Variants in AUTS2 observed in about 807,000 individuals in gnomAD.
AUTS2 encodes the protein activator of transcription and developmental regulator AUTS2.
AUTS2 carries 17 observed loss-of-function variants against 112.4 expected under a neutral mutation model. That is an observed-to-expected ratio of 0.15 (90% CI 0.10 to 0.23). The LOEUF (loss-of-function observed/expected upper bound fraction) is 0.23, where lower values mean the gene tolerates loss of function less well. Ranked by LOEUF, AUTS2 falls within the 10% of genes least tolerant of loss-of-function variation. The pLI is 1.00. For synonymous variants in AUTS2, 751 were observed against 702.7 expected (o/e 1.07, Z -1.09); for missense variants, 1,510 against 1,701.6 (o/e 0.89, Z 1.98).
intron 1 of AUTS2, among the ~76,000 whole-genome samples, chr7:69,669,130 G>T (rs1796200485): frequency 6.6e-6 from 1 of 152,046 alleles, no homozygotes; most frequent in Non-Finnish European, 1.5e-5. Context: ...AATATATTTT[G>T]CTATATACGT....
chr7:70,633,174 G>A (rs1805357962), intron 5 of AUTS2, among the ~76,000 whole-genome samples: 1 of 152,160 alleles, frequency 6.6e-6, no homozygotes, highest in South Asian at 2.1e-4. Flanking sequence ...GCAGAAGGGA[G>A]AGACATAGAG....
intron 5 of AUTS2, among the ~76,000 whole-genome samples, chr7:70,566,431 A>G (rs991278269): frequency 6.6e-6 from 1 of 152,194 alleles, no homozygotes; most frequent in Non-Finnish European, 1.5e-5. Flanking sequence ...TTAATGTATA[A>G]TTACATTTTT....
rs370179444 is a variant in AUTS2 at position 69,900,645 on chromosome 7, T to G, written c.522+1147T>G. Among the ~76,000 whole-genome samples, 71 of 152,266 alleles carry G rather than the reference T, an allele frequency of 4.7e-4. No homozygotes were observed. In the East Asian group the frequency reaches 6.8e-3, roughly 14 times the overall value. ...GGGTGATGGTTTTTAGTTAAAAGAT[T>G]GGAAAGATCAAAAGCCTCAATATGA... On this transcript the variant is annotated intron_variant, in intron 2 of 18. Coordinates refer to ENST00000342771, the MANE Select transcript of AUTS2 (RefSeq NM_015570.4).
intron 5 of AUTS2, among the ~76,000 whole-genome samples, chr7:70,510,272 G>A (rs999700161): frequency 6.6e-5 from 10 of 152,152 alleles, no homozygotes; most frequent in African/African-American, 9.7e-5. Flanking sequence ...CCATATCTTA[G>A]GCACTACAAT....
chr7:70,689,270 A>G (rs1585510625), intron 5 of AUTS2, among the ~76,000 whole-genome samples: 1 of 152,092 alleles, frequency 6.6e-6, no homozygotes, highest in East Asian at 1.9e-4. Flanking sequence ...ACTCCCAACT[A>G]CTCAAGAGGC....
chr7:70,301,683 A>T (rs939766908), intron 4 of AUTS2, among the ~76,000 whole-genome samples: 9 of 151,976 alleles, frequency 5.9e-5, no homozygotes, highest in Non-Finnish European at 1.2e-4. Flanking sequence ...GCAATTTTTT[A>T]AAATTTCATA....
chr7:70,362,646 C>G (rs1023536065), intron 4 of AUTS2, among the ~76,000 whole-genome samples: 4 of 151,314 alleles, frequency 2.6e-5, no homozygotes, highest in African/African-American at 9.7e-5. Flanking sequence ...TTCCTCCCGT[C>G]CTCTCTTCCT....
intron 2 of AUTS2, among the ~76,000 whole-genome samples, chr7:69,936,516 A>AT (rs1274732121): frequency 1.3e-5 from 2 of 151,792 alleles, no homozygotes; most frequent in Non-Finnish European, 2.9e-5. Flanking sequence ...CACCCGGCTA[A>AT]TTTTTTGTAT....
At chr7:70,747,466 T>G (rs1563168761) in intron 6 of AUTS2, among the ~76,000 whole-genome samples, 1 of 152,176 alleles carries the variant, frequency 6.6e-6, no homozygotes, top group South Asian at 2.1e-4. Flanking sequence ...ATCTATTTAT[T>G]ATTTATTTTT....
intron 2 of AUTS2, among the ~76,000 whole-genome samples, chr7:69,960,811 C>T (rs577343370): frequency 1.3e-5 from 2 of 152,200 alleles, no homozygotes; most frequent in East Asian, 3.9e-4. Flanking sequence ...CCAAAGCTTC[C>T]TTTTCATCAG....
chr7:70,724,619 TA>T (rs913733615), intron 6 of AUTS2, among the ~76,000 whole-genome samples: 4 of 151,760 alleles, frequency 2.6e-5, no homozygotes, highest in African/African-American at 9.7e-5. Flanking sequence ...CTAATTTTTT[TA>T]TTTTTTAGTA....
At chr7:69,830,763 G>A (rs974287793) in intron 1 of AUTS2, among the ~76,000 whole-genome samples, 6 of 152,150 alleles carry the variant, frequency 3.9e-5, no homozygotes, top group African/African-American at 9.7e-5. Context: ...CACTTAAATC[G>A]TTTTCTTTGG....
chr7:69,600,421 G>A (rs1272730399), intron 1 of AUTS2, among the ~76,000 whole-genome samples: 1 of 150,588 alleles, frequency 6.6e-6, no homozygotes, highest in South Asian at 2.1e-4. Flanking sequence ...GTGTGTGTGT[G>A]TGTGTGTGTG....
chr7:69,842,500 A>G (rs1208138122), intron 1 of AUTS2, among the ~76,000 whole-genome samples: 1 of 152,242 alleles, frequency 6.6e-6, no homozygotes, highest in Non-Finnish European at 1.5e-5. Context: ...GTTATGAAGT[A>G]AGTGACTAAA....
intron 1 of AUTS2, among the ~76,000 whole-genome samples, chr7:69,689,605 GC>G: frequency 6.7e-6 from 1 of 149,620 alleles, no homozygotes; most frequent in Non-Finnish European, 1.5e-5. Flanking sequence ...CTCCTGAAGT[GC>G]TGGGATTACA....
intron 5 of AUTS2, among the ~76,000 whole-genome samples, chr7:70,451,255 A>G (rs527621671): frequency 8.5e-5 from 13 of 152,178 alleles, no homozygotes; most frequent in Non-Finnish European, 1.3e-4. Flanking sequence ...TTGAATAACT[A>G]TTGGGTACCA....
intron 2 of AUTS2, among the ~76,000 whole-genome samples, chr7:70,080,214 T>A (rs1362085967): frequency 6.6e-6 from 1 of 152,242 alleles, no homozygotes; most frequent in African/African-American, 2.4e-5. Context: ...AAAAGTATGT[T>A]GTATTTGCAT....
At chr7:70,512,873 C>T (rs955004584) in intron 5 of AUTS2, among the ~76,000 whole-genome samples, 1 of 151,208 alleles carries the variant, frequency 6.6e-6, no homozygotes, top group South Asian at 2.1e-4. Flanking sequence ...GATATATACA[C>T]ACTGGTGAGT....
chr7:70,135,334 T>C (rs968590126), intron 4 of AUTS2, among the ~76,000 whole-genome samples: 3 of 152,152 alleles, frequency 2.0e-5, no homozygotes, highest in Non-Finnish European at 4.4e-5. Flanking sequence ...ATTTGTACAA[T>C]AGGATAACAT....
Sources: allele counts gnomAD v4.1 joint callset (sites outside exome capture counted in the v4.1 genomes callset), GRCh38; gene constraint gnomAD v4.1.1; transcripts MANE v1.5; gene names NCBI Gene and HGNC (gene_info 2026-07-23, HGNC 2026-07-21).